Variants in AKAP9 observed in about 807,000 individuals in gnomAD.
The protein encoded by AKAP9 is A-kinase anchoring protein 9.
AKAP9 carries 311 observed loss-of-function variants against 488.5 expected under a neutral mutation model. The observed-to-expected ratio is 0.64, with a 90% CI of 0.58 to 0.70. The LOEUF (loss-of-function observed/expected upper bound fraction) is 0.70. Among genes scored for constraint, AKAP9 ranks in the 30% least tolerant of loss-of-function variants. The pLI, the probability that AKAP9 is intolerant of heterozygous loss-of-function variation, is 0.00. For synonymous variants in AKAP9, 1,462 were observed against 1,483.5 expected, an observed-to-expected ratio of 0.99 and a Z score of 0.33; for missense variants, 4,215 against 4,374.5, an observed-to-expected ratio of 0.96 and a Z score of 1.03.
chr7:92,052,744 C>G lies in AKAP9; in HGVS notation c.5387C>G (p.Pro1796Arg). Reference protein sequence around the residue: ...EHTRVTDESIPSYSGSDMPRN... With the variant: ...EHTRVTDESIRSYSGSDMPRN... ...ATTCTAGTTACAGATGAATCCATTC[C>G]CTCTTATTCTGGAAGTGATATGCCA... The change falls in exon 22 of 50, where the codon CCC becomes CGC. Residue 1796 changes from proline to arginine, a missense_variant. Physicochemically the swap from Pro to Arg is moderately radical, Grantham distance 103 (BLOSUM62 -2). Transcript: ENST00000356239. 6.2e-7 allele frequency: 1 copy of G among 1,611,694 alleles called. No individual in the cohort carries two copies. The highest frequency in any genetic ancestry group is 8.5e-7 in the Non-Finnish European group (1 of 1,178,166).
chr7:92,105,882 A>T, intron 47 of AKAP9, 119 bp downstream of exon 47: 1 of 901,842 alleles, frequency 1.1e-6, no homozygotes, highest in Non-Finnish European at 1.8e-6. Flanking sequence ...GCACAGCAGC[A>T]GGTGAGCAGC....
chr7:91,940,912 C>G lies in AKAP9; in HGVS notation c.-188C>G. The G allele has an allele frequency of 1.5e-6, 1 of 653,386 alleles. No individual in the cohort carries two copies. 40.5% of individuals were successfully genotyped at this position (653,386 alleles called of 1,614,324 possible). A position where few individuals can be genotyped will look rare whatever the true frequency, so the allele number is the denominator to read the frequency against. ...GGCGGCGGCGGCGGTGACGGCGCTT[C>G]CCGTGCGGCTGAGGACGATCCGCCA... is the stretch of plus-strand genomic sequence containing the variant. On this transcript the variant is annotated 5_prime_UTR_variant, in exon 1 of 50. Coordinates refer to ENST00000356239, the MANE Select transcript of AKAP9 (RefSeq NM_005751.5).
rs1227164653 is a variant in AKAP9, at chr7:92,022,931, C to T, written c.4070C>T (p.Thr1357Ile). 5.6e-6 allele frequency: 9 copies of T among 1,613,990 alleles called. No homozygotes were observed. The highest frequency in any genetic ancestry group is 1.1e-5 in the South Asian group (1 of 91,076). ...ISSLQQQLKE[T>I]EQNYEAEIHC... ...TCTTTGCAGCAACAGTTGAAAGAAA[C>T]TGAACAAAACTATGAGGCAGAGATC... Residue 1357 changes from threonine (T) to isoleucine (I), a missense_variant, in exon 14 of 50, where the codon ACT becomes ATT. Physicochemically the swap from Thr to Ile is moderately conservative, Grantham distance 89. Coordinates refer to ENST00000356239, the MANE Select transcript of AKAP9 (RefSeq NM_005751.5).
intron 1 of AKAP9, 90 bp downstream of exon 1, chr7:91,941,237 C>A: frequency 7.8e-7 from 1 of 1,279,544 alleles, no homozygotes; most frequent in East Asian, 2.3e-5. Context: ...TTCGCCGCAG[C>A]CCCAGTGCAC....
intron 27 of AKAP9, 151 bp from the exon 28 acceptor site, chr7:92,070,754 A>G: frequency 1.6e-6 from 1 of 633,800 alleles, no homozygotes; most frequent in African/African-American, 1.9e-5. Flanking sequence ...ATTATTCACT[A>G]ATTAGAAGTA....
At chr7:92,109,663 C>T (rs903079581) in intron 49 of AKAP9, among the ~76,000 whole-genome samples, 5 of 152,120 alleles carry the variant, frequency 3.3e-5, no homozygotes, top group African/African-American at 7.2e-5. Context: ...ATGGGCTGGG[C>T]GCGGTGGCTC....
rs530060141 is a variant in AKAP9, at chr7:92,109,516, G to A, written c.11687-606G>A. On this transcript the variant is annotated intron_variant, in intron 49 of 49. Coordinates refer to ENST00000356239, the MANE Select transcript of AKAP9 (RefSeq NM_005751.5). ...GAAGACCAAAAGATTTTTCAAAAATGTATGAGGTATAGAACATCCAACTTT... is the reference window on the plus strand; with the variant it reads ...GAAGACCAAAAGATTTTTCAAAAATATATGAGGTATAGAACATCCAACTTT... Among the ~76,000 whole-genome samples the A allele has an allele frequency of 2.1e-4, 32 of 152,306 alleles. 1 individual carries two copies. The highest frequency in any genetic ancestry group is 3.4e-3 in the Middle Eastern group (1 of 294).
intron 8 of AKAP9, among the ~76,000 whole-genome samples, chr7:92,006,692 G>A (rs1444324797): frequency 2.0e-5 from 3 of 152,144 alleles, no homozygotes; most frequent in African/African-American, 7.2e-5. Context: ...ATGCCACACA[G>A]ATATCTCTAA....
At chr7:92,041,997 TTTTCTCTATCACAAACAG>T (rs1310614263) in intron 18 of AKAP9, 31 bp from the exon 19 acceptor site, 2 of 1,600,366 alleles carry the variant, frequency 1.2e-6, no homozygotes. Flanking sequence ...TTTCTACCCT[TTTTCTCTATCACAAACAG>T]TATTCTTTCA....
chr7:91,952,413 C>T (rs990192301), intron 1 of AKAP9, among the ~76,000 whole-genome samples: 1 of 152,104 alleles, frequency 6.6e-6, no homozygotes, highest in Non-Finnish European at 1.5e-5. Context: ...ATTATAAATA[C>T]ACAATGGGTA....
At chr7:92,010,452 G>T (rs1018905228) in intron 8 of AKAP9, among the ~76,000 whole-genome samples, 1 of 152,328 alleles carries the variant, frequency 6.6e-6, no homozygotes, top group East Asian at 1.9e-4. Context: ...TAGTCAGGGC[G>T]TGCACTACTG....
chr7:92,107,373 T>C lies in AKAP9; in HGVS notation c.11497T>C (p.Ser3833Pro). 1 of 1,613,882 alleles carries C rather than the reference T, an allele frequency of 6.2e-7. No homozygotes were observed. The highest frequency in any genetic ancestry group is 8.5e-7 in the Non-Finnish European group (1 of 1,179,842). Residue 3833 changes from serine to proline, a missense_variant, in exon 48 of 50, where the codon TCA (serine) becomes CCA (proline). This residue lies in a region of AKAP9 where 253 missense variants were observed against 266.8 expected (regional missense o/e 0.95). Coordinates refer to ENST00000356239, the MANE Select transcript of AKAP9 (RefSeq NM_005751.5). ...AGAACCAAGACATACTACGTATCGC[T>C]CAAGATCAGATCTGGACTATATTAG... ...YGEPRHTTYR[S>P]RSDLDYIRSP... is the part of the protein sequence containing the mutation.
rs34590567 is a variant in AKAP9 at position 92,040,634 on chromosome 7, TA to T, written c.4693-39del. ...GCTGACAGATTTTTACAAAATGTGT[TA>T]TGGTTGAATTGTTTTTTTTTTTTTT... On this transcript the variant is annotated intron_variant, in intron 17 of 49. Coordinates refer to ENST00000356239, the MANE Select transcript of AKAP9 (RefSeq NM_005751.5). The T allele has an allele frequency of 2.5e-3, 3,574 of 1,417,328 alleles. 74 individuals carry two copies. In the African/African-American group the frequency reaches 0.047, roughly 19 times the overall value. The allele number at this position is 1,417,328 out of a possible 1,614,324, so 87.8% of individuals were successfully genotyped here.
intron 45 of AKAP9, among the ~76,000 whole-genome samples, chr7:92,101,827 A>G (rs954921436): frequency 6.6e-6 from 1 of 152,236 alleles, no homozygotes; most frequent in South Asian, 2.1e-4. Flanking sequence ...ATTCCAGTTT[A>G]TGACTCTGAA....
Position 92,107,412 on chromosome 7 carries a change from T to A in AKAP9, c.11536T>A (p.Phe3846Ile). ...DLDYIRSPLP[F>I]QNRYPGTPAD... is the part of the protein sequence containing the mutation. ...GGACTATATTAGGTCCCCTTTACCA[T>A]TTCAGAATAGGTAAGAATATGAGAA... Residue 3846 changes from phenylalanine (F) to isoleucine (I), a missense_variant, in exon 48 of 50, where the codon TTT (phenylalanine) becomes ATT (isoleucine). Physicochemically the swap from Phe to Ile is conservative, Grantham distance 21. Around this residue, in one of 5 missense-constraint regions of AKAP9, gnomAD observed 253 missense variants for 266.8 expected, o/e 0.95. Coordinates refer to ENST00000356239, the MANE Select transcript of AKAP9 (RefSeq NM_005751.5). The A allele has an allele frequency of 6.2e-7, 1 of 1,613,646 alleles. No homozygotes were observed. Among genetic ancestry groups the A allele is most frequent in the East Asian group, 2.2e-5 (1 of 44,844 alleles).
intron 31 of AKAP9, among the ~76,000 whole-genome samples, chr7:92,081,513 T>G: frequency 7.5e-6 from 1 of 133,818 alleles, no homozygotes; most frequent in Non-Finnish European, 1.6e-5. Flanking sequence ...TTTTTTTTAG[T>G]AGAGACGAGG....
In AKAP9 at chr7:91,974,086, A is replaced by C; in HGVS notation, c.306+118A>C. 5 of 1,233,290 alleles carry C rather than the reference A, an allele frequency of 4.1e-6. No individual in the cohort carries two copies. In the South Asian group the frequency reaches 6.3e-5, roughly 16 times the overall value. The allele number at this position is 1,233,290 out of a possible 1,614,324, so 76.4% of individuals were successfully genotyped here. On this transcript the variant is annotated intron_variant, in intron 2 of 49. Coordinates refer to ENST00000356239, the MANE Select transcript of AKAP9 (RefSeq NM_005751.5). ...ATTTTTATGTCCTCTTGAAAGTTTTAGTAGTATGGTAACTAAACAGTCATA... is the reference window on the plus strand; with the variant it reads ...ATTTTTATGTCCTCTTGAAAGTTTTCGTAGTATGGTAACTAAACAGTCATA...
chr7:92,011,675 A>G (rs1800761978), intron 8 of AKAP9, among the ~76,000 whole-genome samples: 1 of 152,242 alleles, frequency 6.6e-6, no homozygotes, highest in Admixed American at 6.5e-5. Flanking sequence ...GCGTAATGGA[A>G]AGCCCAGAAA....
chr7:91,994,226 A>G (rs1009606451), intron 5 of AKAP9, among the ~76,000 whole-genome samples: 5 of 152,220 alleles, frequency 3.3e-5, no homozygotes, highest in Non-Finnish European at 7.3e-5. Context: ...TGTCTATGGC[A>G]GTCAGTTATG....
Sources: allele counts gnomAD v4.1 joint callset (sites outside exome capture counted in the v4.1 genomes callset), GRCh38; gene constraint gnomAD v4.1.1; regional missense constraint gnomAD v4.1.1; transcripts MANE v1.5; gene names NCBI Gene and HGNC (gene_info 2026-07-23, HGNC 2026-07-21).